Variants in GTF2F2 observed in about 807,000 individuals in gnomAD.
GTF2F2 encodes general transcription factor IIF subunit 2, also known as ATP-dependent helicase GTF2F2.
A neutral mutation model predicts 42.2 loss-of-function variants in GTF2F2; 23 were observed. The ratio of observed to expected loss-of-function variants is 0.55; its 90% CI spans 0.39 to 0.77. GTF2F2 has a LOEUF of 0.77. Ranked by LOEUF, GTF2F2 falls within the 30% of genes least tolerant of loss-of-function variation. GTF2F2 has a pLI of 0.00. For synonymous variants in GTF2F2, 105 were observed against 100.8 expected (o/e 1.04, Z -0.25); for missense variants, 261 against 287.2 (o/e 0.91, Z 0.66).
At chr13:45,183,812 C>T (rs1872278939) in intron 4 of GTF2F2, among the ~76,000 whole-genome samples, 3 of 152,048 alleles carry the variant, frequency 2.0e-5, no homozygotes. Context: ...TTTATGATCT[C>T]CTGTGTTAAA....
At chr13:45,278,868 TG>T (rs1877144073) in intron 7 of GTF2F2, among the ~76,000 whole-genome samples, 1 of 132,246 alleles carries the variant, frequency 7.6e-6, no homozygotes, top group Admixed American at 8.2e-5. Context: ...CTGTTGCCCA[TG>T]CTGGAGTACA....
chr13:45,194,941 A>G (rs1224486971), intron 4 of GTF2F2, among the ~76,000 whole-genome samples: 3 of 152,248 alleles, frequency 2.0e-5, no homozygotes, highest in Admixed American at 6.5e-5. Context: ...AACTATTTCT[A>G]AATGCCTAAG....
rs1869039086 is a variant in GTF2F2 at position 45,126,950 on chromosome 13, A to G, written c.66+6229A>G. Among the ~76,000 whole-genome samples, 3 of 152,090 alleles carry G rather than the reference A, an allele frequency of 2.0e-5. No homozygotes were observed. The South Asian group carries it at 6.2e-4, about 32-fold the overall frequency. The stretch of plus-strand genomic sequence containing the variant: ...GTACTTATTACCTTGTCTCCATCTG[A>G]TTTTCAGTAATGAGTGAGATAGTGG... On this transcript the variant is annotated intron_variant, in intron 1 of 7. Coordinates refer to ENST00000340473, the MANE Select transcript of GTF2F2 (RefSeq NM_004128.3).
intron 5 of GTF2F2, among the ~76,000 whole-genome samples, chr13:45,220,262 A>G (rs1397811335): frequency 6.6e-6 from 1 of 152,090 alleles, no homozygotes; most frequent in Non-Finnish European, 1.5e-5. Flanking sequence ...ACTTCCCTAT[A>G]TTTCATAGCT....
intron 5 of GTF2F2, among the ~76,000 whole-genome samples, chr13:45,230,433 A>T (rs1005114423): frequency 1.6e-4 from 25 of 152,118 alleles, no homozygotes; most frequent in Middle Eastern, 3.2e-3. Context: ...GATTACAAGG[A>T]CTTTAGTAGG....
At chr13:45,275,117 T>C (rs1050897742) in intron 7 of GTF2F2, among the ~76,000 whole-genome samples, 3 of 152,162 alleles carry the variant, frequency 2.0e-5, no homozygotes, top group African/African-American at 7.2e-5. Flanking sequence ...TTTCTCTGGA[T>C]ATTAATATAT....
intron 1 of GTF2F2, 39 bp downstream of exon 1, chr13:45,120,760 A>T: frequency 7.0e-7 from 1 of 1,428,988 alleles, no homozygotes; most frequent in Non-Finnish European, 9.7e-7. Context: ...TCCTCCTAAC[A>T]CAAGTATAGT....
Position 45,151,710 on chromosome 13 carries a change from T to G in GTF2F2, c.183T>G (p.Asp61Glu). 1.2e-6 allele frequency: 2 copies of G among 1,607,194 alleles called. No individual in the cohort carries two copies. The highest frequency in any genetic ancestry group is 2.2e-5 in the South Asian group (2 of 90,666). ...AGGTGTCATTTACTTTGAATGAGGATCTTGCAAATATTCATGATATTGGTG... is the reference window on the plus strand; with the variant it reads ...AGGTGTCATTTACTTTGAATGAGGAGCTTGCAAATATTCATGATATTGGTG... ...RTEVSFTLNE[D>E]LANIHDIGGK... is the part of the protein sequence containing the mutation. Residue 61 changes from aspartate (D) to glutamate (E), a missense_variant, in exon 4 of 8, where the codon GAT (aspartate) becomes GAG (glutamate). Transcript: ENST00000340473.
intron 7 of GTF2F2, among the ~76,000 whole-genome samples, chr13:45,270,824 T>C (rs1408550945): frequency 1.3e-5 from 2 of 152,210 alleles, no homozygotes; most frequent in Non-Finnish European, 2.9e-5. Flanking sequence ...AATAGAAGCA[T>C]ATATAGTGTT....
intron 2 of GTF2F2, among the ~76,000 whole-genome samples, chr13:45,137,465 C>A (rs1306117533): frequency 6.6e-6 from 1 of 151,860 alleles, no homozygotes; most frequent in East Asian, 1.9e-4. Flanking sequence ...TCATAACAAA[C>A]CATCCCAAAA....
At chr13:45,127,878 G>A (rs1022464721) in intron 1 of GTF2F2, among the ~76,000 whole-genome samples, 37 of 130,234 alleles carry the variant, frequency 2.8e-4, no homozygotes, top group Admixed American at 2.2e-3. Context: ...TGATCTGCCC[G>A]CCTCAGCCTC....
chr13:45,200,046 G>C (rs1391716938), intron 4 of GTF2F2, among the ~76,000 whole-genome samples: 1 of 151,624 alleles, frequency 6.6e-6, no homozygotes, highest in African/African-American at 2.4e-5. Flanking sequence ...CTATAACTGA[G>C]GTACATCTTA....
At chr13:45,190,625 T>C (rs982998173) in intron 4 of GTF2F2, among the ~76,000 whole-genome samples, 2 of 152,200 alleles carry the variant, frequency 1.3e-5, no homozygotes, top group Admixed American at 1.3e-4. Flanking sequence ...TGAGGTTTAA[T>C]TGAGAGAATG....
chr13:45,210,403 G>A (rs1019922389), intron 5 of GTF2F2, among the ~76,000 whole-genome samples: 8 of 152,116 alleles, frequency 5.3e-5, no homozygotes, highest in East Asian at 1.9e-4. Flanking sequence ...ATGGCTTGCC[G>A]CCTCACCCCT....
At chr13:45,164,842 T>A in intron 4 of GTF2F2, among the ~76,000 whole-genome samples, 1 of 148,394 alleles carries the variant, frequency 6.7e-6, no homozygotes, top group East Asian at 2.0e-4. Context: ...ATGGGAAGGG[T>A]TACCAAAAAA....
chr13:45,184,585 CT>C (rs1872329274), intron 4 of GTF2F2, among the ~76,000 whole-genome samples: 1 of 152,046 alleles, frequency 6.6e-6, no homozygotes, highest in Non-Finnish European at 1.5e-5. Flanking sequence ...TCCTCACCTG[CT>C]TTTCTTTTCC....
chr13:45,194,175 C>T (rs750001763), intron 4 of GTF2F2: 2 of 1,614,064 alleles, frequency 1.2e-6, no homozygotes, highest in East Asian at 2.2e-5. Context: ...GCTGTTCTTT[C>T]TCCCACCTGG....
At chr13:45,273,654 A>AGTTTTTTTTTTTT (rs1331934269) in intron 7 of GTF2F2, among the ~76,000 whole-genome samples, 1 of 110,830 alleles carries the variant, frequency 9.0e-6, no homozygotes, top group African/African-American at 5.0e-5. Flanking sequence ...AGAGTGGTAA[A>AGTTTTTTTTTTTT]ATTTTTTTTT....
intron 4 of GTF2F2, among the ~76,000 whole-genome samples, chr13:45,191,222 AAAATATATAT>A (rs1296299180): frequency 5.7e-5 from 4 of 69,964 alleles, no homozygotes; most frequent in Admixed American, 2.7e-4. Flanking sequence ...ATACAAAAAA[AAAATATATAT>A]ATATATATAT....
Sources: gnomAD v4.1 joint callset for allele counts (sites outside exome capture counted in the v4.1 genomes callset) on GRCh38, gnomAD v4.1.1 for gene constraint, MANE v1.5 for transcripts, NCBI Gene and HGNC (gene_info 2026-07-23, HGNC 2026-07-21) for gene names.